The following ARID1B variants were observed in gnomAD, a reference collection of about 807,000 sequenced individuals.
ARID1B encodes the protein AT-rich interaction domain 1B, also known as AT-rich interactive domain-containing protein 1B.
In ARID1B, 30 loss-of-function variants were observed where a neutral mutation model predicts 212.3. That is an observed-to-expected ratio of 0.14 (90% CI 0.11 to 0.19). The LOEUF is 0.19. Ranked by LOEUF, ARID1B falls within the 10% of genes least tolerant of loss-of-function variation. The probability of loss-of-function intolerance (pLI) is 1.00; values close to 1 mark genes in which losing one functional copy is unlikely to be tolerated. For synonymous variants in ARID1B, 1,402 were observed against 1,301.7 expected, an observed-to-expected ratio of 1.08 and a Z score of -1.66; for missense variants, 2,891 against 3,204.0, an observed-to-expected ratio of 0.90 and a Z score of 2.36.
intron 5 of ARID1B, among the ~76,000 whole-genome samples, chr6:157,108,791 G>T (rs1282730519): frequency 6.6e-6 from 1 of 152,158 alleles, no homozygotes; most frequent in African/African-American, 2.4e-5. Context: ...GTTTGTCCAG[G>T]TCTTTTATCC....
At chr6:157,128,566 G>C (rs112383039) in intron 6 of ARID1B, among the ~76,000 whole-genome samples, 1,906 of 152,290 alleles carry the variant, frequency 0.013, 30 homozygotes, top group African/African-American at 0.042. Context: ...TCTTACGGCA[G>C]TATATGGTCT....
chr6:156,791,019 A>G (rs372775774), intron 1 of ARID1B, among the ~76,000 whole-genome samples: 64 of 152,386 alleles, frequency 4.2e-4, no homozygotes, highest in East Asian at 1.3e-3. Context: ...GATGGAGAAG[A>G]TGAATTTTAT....
chr6:156,795,136 G>GGCTGGTT (rs1780275088), intron 1 of ARID1B, among the ~76,000 whole-genome samples: 1 of 81,440 alleles, frequency 1.2e-5, no homozygotes, highest in South Asian at 2.9e-4. Flanking sequence ...GCCATTTAGA[G>GGCTGGTT]GAAAGCCTGC....
rs2115005567 is a variant in ARID1B at position 156,779,431 on chromosome 6, T to G, written c.1751T>G (p.Met584Arg). Reference sequence around the variant, plus strand: ...GCGCAACAAAGGAGTCACCCGGCGATGAGCCCCGGCACCCCCGGACCGACC... The same window carrying G: ...GCGCAACAAAGGAGTCACCCGGCGAGGAGCCCCGGCACCCCCGGACCGACC... ...AAAQQRSHPA[M>R]SPGTPGPTMG... Residue 584 changes from methionine (M) to arginine (R), a missense_variant, in exon 1 of 20, where the codon ATG (methionine) becomes AGG (arginine). By Grantham distance (91) the Met-to-Arg change is moderately conservative. Coordinates refer to ENST00000636930, the MANE Select transcript of ARID1B (RefSeq NM_001374828.1). The G allele has an allele frequency of 2.1e-6, 3 of 1,461,268 alleles. No homozygotes were observed. The highest frequency in any genetic ancestry group is 1.8e-6 in the Non-Finnish European group (2 of 1,103,776). 90.5% of individuals were successfully genotyped at this position (1,461,268 alleles called of 1,614,324 possible). A position where few individuals can be genotyped will look rare whatever the true frequency, so the allele number is the denominator to read the frequency against.
intron 2 of ARID1B, among the ~76,000 whole-genome samples, chr6:156,863,035 G>A (rs150317642): frequency 6.6e-6 from 1 of 152,188 alleles, no homozygotes; most frequent in Non-Finnish European, 1.5e-5. Flanking sequence ...GACAGTGCCG[G>A]GTCATGGAGG....
chr6:157,037,915 G>A (rs1781435572), intron 4 of ARID1B, among the ~76,000 whole-genome samples: 1 of 152,052 alleles, frequency 6.6e-6, no homozygotes, highest in Admixed American at 6.6e-5. Flanking sequence ...ATGAGTCCAG[G>A]GACAATATGG....
chr6:157,111,564 A>G (rs1244283286), intron 6 of ARID1B, among the ~76,000 whole-genome samples: 2 of 152,004 alleles, frequency 1.3e-5, no homozygotes, highest in Non-Finnish European at 2.9e-5. Flanking sequence ...CCTGACCCCT[A>G]CTGTTTATAA....
chr6:156,944,465 G>A (rs187234927), intron 4 of ARID1B, among the ~76,000 whole-genome samples: 19 of 152,268 alleles, frequency 1.2e-4, no homozygotes, highest in African/African-American at 3.1e-4. Context: ...TTTGGGAGCC[G>A]TGATGTCGTT....
chr6:157,208,904 T>C lies in ARID1B; in HGVS notation c.*1013T>C, dbSNP rs1378678070. 1 of 228,606 alleles carries C rather than the reference T, an allele frequency of 4.4e-6. No homozygotes were observed. The highest frequency in any genetic ancestry group is 8.6e-6 in the Non-Finnish European group (1 of 115,626). The allele number at this position is 228,606 out of a possible 1,614,324, so 14.2% of individuals were successfully genotyped here. A position where few individuals can be genotyped will look rare whatever the true frequency, so the allele number is the denominator to read the frequency against. The stretch of plus-strand genomic sequence containing the variant: ...AAAAAAAAAGAGGGTAATGTACAAG[T>C]TTCTGTATGTATAAAGTCATGCTCG... On this transcript the variant is annotated 3_prime_UTR_variant, in exon 20 of 20. Coordinates refer to ENST00000636930, the MANE Select transcript of ARID1B (RefSeq NM_001374828.1).
At chr6:157,013,023 G>T (rs1035699420) in intron 4 of ARID1B, among the ~76,000 whole-genome samples, 1 of 152,208 alleles carries the variant, frequency 6.6e-6, no homozygotes, top group Non-Finnish European at 1.5e-5. Context: ...GGGATTACAG[G>T]CATGTGCCAC....
At chr6:156,817,080 TA>T (rs66864321) in intron 1 of ARID1B, among the ~76,000 whole-genome samples, 307 of 134,710 alleles carry the variant, frequency 2.3e-3, no homozygotes, top group Admixed American at 2.2e-3. Flanking sequence ...GCCCTTTAAT[TA>T]AAAAAAAAAA....
At chr6:156,950,665 T>C (rs73007054) in intron 4 of ARID1B, among the ~76,000 whole-genome samples, 171 of 152,312 alleles carry the variant, frequency 1.1e-3, no homozygotes, top group Non-Finnish European at 2.2e-3. Context: ...CCGAGTCTTA[T>C]TTATTGAAGT....
At chr6:156,935,282 A>G (rs1024597397) in intron 3 of ARID1B, among the ~76,000 whole-genome samples, 184 bp from the exon 4 acceptor site, 2 of 151,860 alleles carry the variant, frequency 1.3e-5, no homozygotes, top group African/African-American at 2.4e-5. Flanking sequence ...GTCTCCCTAC[A>G]TTGCCCAGGC....
intron 4 of ARID1B, among the ~76,000 whole-genome samples, chr6:157,039,673 C>CTTT (rs1562569187): frequency 2.1e-5 from 2 of 96,504 alleles, no homozygotes; most frequent in African/African-American, 7.4e-5. Context: ...TTCCTTCCTT[C>CTTT]CTTCCTTCCT....
chr6:157,170,689 A>G (rs1791658439), intron 9 of ARID1B, among the ~76,000 whole-genome samples: 1 of 152,160 alleles, frequency 6.6e-6, no homozygotes. Flanking sequence ...GGGTGGCCAC[A>G]GTGGGGAGGG....
intron 2 of ARID1B, chr6:156,870,344 T>G (rs1786028048): frequency 6.6e-6 from 1 of 152,134 alleles, no homozygotes; most frequent in African/African-American, 2.4e-5. Flanking sequence ...CATCCTGGTG[T>G]TGAGAGGCTG....
chr6:157,112,537 T>C (rs1787001588), intron 6 of ARID1B, among the ~76,000 whole-genome samples: 1 of 152,224 alleles, frequency 6.6e-6, no homozygotes, highest in African/African-American at 2.4e-5. Flanking sequence ...TTTTAACAAG[T>C]GTTAAAGGGT....
intron 6 of ARID1B, among the ~76,000 whole-genome samples, chr6:157,123,109 T>C (rs916545447): frequency 1.3e-5 from 2 of 152,186 alleles, no homozygotes; most frequent in Non-Finnish European, 2.9e-5. Flanking sequence ...GATCCCATGG[T>C]AACCAGAAGT....
In ARID1B at chr6:156,901,373, C is replaced by T. The variant is rs1050272242; in HGVS notation, c.1987-3C>T. 6.2e-7 allele frequency: 1 copy of T among 1,614,128 alleles called. No individual in the cohort carries two copies. The highest frequency in any genetic ancestry group is 8.5e-7 in the Non-Finnish European group (1 of 1,180,020). On this transcript the variant is annotated splice_polypyrimidine_tract_variant and splice_region_variant and intron_variant, in intron 2 of 19. Transcript: ENST00000636930. ...TCATTTGCTTTGCTTGACTTTTTGA[C>T]AGATGCCACCTCAGTATGGACAGCA...
Sources: gnomAD v4.1 joint callset for allele counts (sites outside exome capture counted in the v4.1 genomes callset) on GRCh38, gnomAD v4.1.1 for gene constraint, MANE v1.5 for transcripts, NCBI Gene and HGNC (gene_info 2026-07-23, HGNC 2026-07-21) for gene names.